The following SDK1 variants were observed in gnomAD, a reference collection of about 807,000 sequenced individuals.
SDK1 encodes protein sidekick-1.
A neutral mutation model predicts 245.5 loss-of-function variants in SDK1; 157 were observed. The observed-to-expected ratio is 0.64, with a 90% CI of 0.56 to 0.73. The LOEUF (loss-of-function observed/expected upper bound fraction) is 0.73, where lower values mean the gene tolerates loss of function less well. Among genes scored for constraint, SDK1 ranks in the 30% least tolerant of loss-of-function variants. The pLI, the probability that SDK1 is intolerant of heterozygous loss-of-function variation, is 0.00. For synonymous variants in SDK1, 1,647 were observed against 1,278.5 expected (o/e 1.29, Z -6.15); for missense variants, 3,583 against 3,002.3 (o/e 1.19, Z -4.52).
At chr7:4,032,078 G>A (rs539087592) in intron 17 of SDK1, among the ~76,000 whole-genome samples, 4 of 150,820 alleles carry the variant, frequency 2.7e-5, no homozygotes, top group African/African-American at 9.7e-5. Context: ...GATCGATCAT[G>A]TCCTAGGCCA....
chr7:3,472,568 T>C (rs1252166877), intron 1 of SDK1, among the ~76,000 whole-genome samples: 1 of 152,238 alleles, frequency 6.6e-6, no homozygotes. Flanking sequence ...TGATAATAGC[T>C]GGTTCTACAT....
intron 5 of SDK1, among the ~76,000 whole-genome samples, chr7:3,822,619 A>G (rs1446118310): frequency 6.6e-6 from 1 of 151,956 alleles, no homozygotes; most frequent in Non-Finnish European, 1.5e-5. Context: ...AAAATGCAAA[A>G]TTAGCAGGCA....
intron 40 of SDK1, among the ~76,000 whole-genome samples, chr7:4,227,791 G>T (rs776396611): frequency 1.3e-5 from 2 of 152,182 alleles, no homozygotes; most frequent in South Asian, 2.1e-4. Context: ...GACGTGCTGC[G>T]CTGGGCTCCA....
rs550538471 is a variant in SDK1 at position 3,328,581 on chromosome 7, C to A, written c.298+26697C>A. Among the ~76,000 whole-genome samples the A allele has an allele frequency of 1.3e-4, 20 of 152,092 alleles. No homozygotes were observed. In the East Asian group the frequency reaches 3.7e-3, roughly 28 times the overall value. ...AATGTATTACATAAAAGTCTCCTTC[C>A]CCTAATCCTTGTACTCAAAGATAAC... On this transcript the variant is annotated intron_variant, in intron 1 of 44. Transcript: ENST00000404826.
chr7:3,853,254 G>A (rs922812393), intron 5 of SDK1, among the ~76,000 whole-genome samples: 15 of 152,112 alleles, frequency 9.9e-5, no homozygotes, highest in African/African-American at 3.4e-4. Flanking sequence ...CCTCGACTTG[G>A]ACATGGTTTG....
chr7:3,444,140 G>T (rs946771886), intron 1 of SDK1, among the ~76,000 whole-genome samples: 6 of 152,166 alleles, frequency 3.9e-5, no homozygotes, highest in African/African-American at 1.2e-4. Flanking sequence ...GAAAGGGCGG[G>T]TTTAATTCTG....
At chr7:3,366,059 T>A (rs751244549) in intron 1 of SDK1, among the ~76,000 whole-genome samples, 1 of 151,204 alleles carries the variant, frequency 6.6e-6, no homozygotes, top group African/African-American at 2.4e-5. Context: ...AAAAAGTCTC[T>A]TCATATATTT....
chr7:4,033,615 GAGA>G (rs1265928159), intron 17 of SDK1, among the ~76,000 whole-genome samples: 1 of 152,138 alleles, frequency 6.6e-6, no homozygotes, highest in African/African-American at 2.4e-5. Context: ...CTCTAAAACA[GAGA>G]AGAAGAAGAA....
intron 30 of SDK1, among the ~76,000 whole-genome samples, chr7:4,150,725 G>A (rs1227305562): frequency 6.6e-6 from 1 of 152,234 alleles, no homozygotes; most frequent in Non-Finnish European, 1.5e-5. Context: ...TGGGGGCAAA[G>A]TTCAGGCTTT....
intron 1 of SDK1, among the ~76,000 whole-genome samples, chr7:3,479,737 A>G (rs899881180): frequency 4.6e-5 from 7 of 151,624 alleles, no homozygotes; most frequent in African/African-American, 1.5e-4. Flanking sequence ...TGGCGTGTGC[A>G]TGTAGTCCTA....
At chr7:3,564,893 C>T (rs898011774) in intron 1 of SDK1, among the ~76,000 whole-genome samples, 1 of 152,030 alleles carries the variant, frequency 6.6e-6, no homozygotes, top group East Asian at 1.9e-4. Flanking sequence ...TAACAGTGTA[C>T]ATTAAAAGAG....
intron 5 of SDK1, among the ~76,000 whole-genome samples, chr7:3,948,508 C>T (rs186371606): frequency 9.7e-4 from 148 of 152,256 alleles, no homozygotes; most frequent in African/African-American, 3.3e-3. Flanking sequence ...GTGATCCACC[C>T]GTCTCGGCCT....
At chr7:3,538,249 T>G (rs574153707) in intron 1 of SDK1, among the ~76,000 whole-genome samples, 187 of 152,320 alleles carry the variant, frequency 1.2e-3, no homozygotes, top group African/African-American at 4.4e-3. Flanking sequence ...GCCTCTTGGG[T>G]CAGCTTTCAC....
At chr7:4,174,458 C>A in intron 33 of SDK1, 101 bp downstream of exon 33, 3 of 1,335,984 alleles carry the variant, frequency 2.2e-6, no homozygotes, top group East Asian at 4.7e-5. Flanking sequence ...GTGGAAGAGG[C>A]TGAGAGAAGA....
At position 3,765,300 on chromosome 7, in the gene SDK1, T is replaced by C. The variant is rs555701718; in HGVS notation, c.714-56150T>C. On this transcript the variant is annotated intron_variant, in intron 4 of 44. Transcript: ENST00000404826. ...TTCCATTGTATGAATATACCACCAA[T>C]GAATTTTAAAATATATGCCCATGAA... Among the ~76,000 whole-genome samples the C allele has an allele frequency of 7.2e-5, 11 of 152,320 alleles. No individual in the cohort carries two copies. In the South Asian group the frequency reaches 1.2e-3, roughly 17 times the overall value.
chr7:3,552,083 G>C (rs1299406956), intron 1 of SDK1, among the ~76,000 whole-genome samples: 1 of 151,738 alleles, frequency 6.6e-6, no homozygotes, highest in East Asian at 1.9e-4. Context: ...CTGTCGCCCA[G>C]GCTGGAGTGC....
intron 1 of SDK1, among the ~76,000 whole-genome samples, chr7:3,496,844 A>G (rs1443502756): frequency 6.6e-6 from 1 of 152,274 alleles, no homozygotes; most frequent in Admixed American, 6.5e-5. Context: ...AGGCTAGAAG[A>G]TAAAATCCTT....
At chr7:4,181,586 T>G (rs1782606563) in intron 35 of SDK1, among the ~76,000 whole-genome samples, 1 of 151,012 alleles carries the variant, frequency 6.6e-6, no homozygotes, top group Admixed American at 6.6e-5. Flanking sequence ...GCTCCAGCCC[T>G]CCTTTCCAGA....
intron 1 of SDK1, among the ~76,000 whole-genome samples, chr7:3,462,379 C>G (rs940445375): frequency 6.6e-6 from 1 of 152,134 alleles, no homozygotes; most frequent in African/African-American, 2.4e-5. Flanking sequence ...CATTGTCTAC[C>G]TATTATTGAA....
Sources: gnomAD v4.1 joint callset for allele counts (sites outside exome capture counted in the v4.1 genomes callset) on GRCh38, gnomAD v4.1.1 for gene constraint, MANE v1.5 for transcripts, NCBI Gene and HGNC (gene_info 2026-07-23, HGNC 2026-07-21) for gene names.